The following PTPN2 variants were observed in gnomAD, a reference collection of about 807,000 sequenced individuals.
PTPN2 encodes the protein protein tyrosine phosphatase non-receptor type 2.
A neutral mutation model predicts 57.3 loss-of-function variants in PTPN2; 19 were observed. The ratio of observed to expected loss-of-function variants is 0.33; its 90% CI spans 0.23 to 0.49. PTPN2 has a LOEUF of 0.49. Among genes scored for constraint, PTPN2 ranks in the 20% least tolerant of loss-of-function variants. The pLI is 0.99. For missense variants in PTPN2, 358 were observed against 501.1 expected, an observed-to-expected ratio of 0.71 and a Z score of 2.73; for synonymous variants, 153 against 164.9, an observed-to-expected ratio of 0.93 and a Z score of 0.55.
chr18:12,793,685 C>A lies in PTPN2; in HGVS notation c.*593G>T, dbSNP rs771512478. ...AATGGAAAATGTATCCAGTACAATT[C>A]AATCGACATACAATTTATTTTTTTA... On this transcript the variant is annotated 3_prime_UTR_variant, in exon 9 of 9. Transcript: ENST00000309660. 4.5e-4 allele frequency: 445 copies of A among 983,452 alleles called. No individual in the cohort carries two copies. Among genetic ancestry groups the A allele is most frequent in the Non-Finnish European group, 5.1e-4 (425 of 827,706 alleles). The allele number at this position is 983,452 out of a possible 1,614,324, so 60.9% of individuals were successfully genotyped here.
intron 7 of PTPN2, among the ~76,000 whole-genome samples, chr18:12,812,529 G>A (rs1360720562): frequency 6.6e-6 from 1 of 152,066 alleles, no homozygotes; most frequent in Non-Finnish European, 1.5e-5. Context: ...AACCTGGGAG[G>A]CAGAGGCTGC....
intron 2 of PTPN2, among the ~76,000 whole-genome samples, chr18:12,853,497 C>T (rs113660817): frequency 6.6e-6 from 1 of 152,134 alleles, no homozygotes; most frequent in Non-Finnish European, 1.5e-5. Context: ...ACAGCAACAC[C>T]ATCCCAGCTT....
intron 2 of PTPN2, among the ~76,000 whole-genome samples, chr18:12,853,422 TG>T (rs2043463998): frequency 1.3e-5 from 2 of 152,234 alleles, no homozygotes; most frequent in Non-Finnish European, 2.9e-5. Context: ...ATTATAAGCA[TG>T]AGCCACAGCA....
intron 1 of PTPN2, among the ~76,000 whole-genome samples, chr18:12,869,819 A>C (rs778706103): frequency 1.4e-4 from 22 of 152,158 alleles, no homozygotes; most frequent in Non-Finnish European, 2.8e-4. Flanking sequence ...AGTGAATCCT[A>C]AATTATATGA....
chr18:12,835,415 G>A (rs1970653), intron 3 of PTPN2, among the ~76,000 whole-genome samples: 2,242 of 65,806 alleles, frequency 0.034, 80 homozygotes, highest in African/African-American at 0.11. Flanking sequence ...TTGCTCTTTC[G>A]CTCAGGCTGG....
intron 9 of PTPN2, chr18:12,786,989 G>A (rs533939570): frequency 6.6e-6 from 1 of 152,194 alleles, no homozygotes; most frequent in Non-Finnish European, 1.5e-5. Flanking sequence ...GATTCTGAGT[G>A]CTGCAAAATA....
intron 5 of PTPN2, among the ~76,000 whole-genome samples, chr18:12,817,917 G>T (rs1036309157): frequency 6.6e-6 from 1 of 152,198 alleles, no homozygotes; most frequent in Non-Finnish European, 1.5e-5. Flanking sequence ...GAGGTGGGCA[G>T]ATCACTTGAG....
intron 1 of PTPN2, among the ~76,000 whole-genome samples, chr18:12,876,276 G>A (rs1337488086): frequency 1.3e-5 from 1 of 79,746 alleles, no homozygotes; most frequent in African/African-American, 5.6e-5. Context: ...GACCAGCCTG[G>A]CCAACAAGAA....
chr18:12,862,554 G>A (rs947197982), intron 1 of PTPN2: 1 of 150,520 alleles, frequency 6.6e-6, no homozygotes, highest in Non-Finnish European at 1.5e-5. Context: ...CTAAGGTCCT[G>A]TGACAGTCTG....
chr18:12,821,073 A>C (rs1020533684), intron 5 of PTPN2, among the ~76,000 whole-genome samples: 1 of 152,224 alleles, frequency 6.6e-6, no homozygotes, highest in African/African-American at 2.4e-5. Context: ...TCCAATTATC[A>C]TAAAAAATCT....
At chr18:12,858,306 G>A (rs1037691357) in intron 2 of PTPN2, among the ~76,000 whole-genome samples, 5 of 152,168 alleles carry the variant, frequency 3.3e-5, no homozygotes, top group African/African-American at 1.2e-4. Context: ...GCCCACTAAA[G>A]TCAAACATAG....
chr18:12,837,870 G>C (rs1455155732), intron 2 of PTPN2, among the ~76,000 whole-genome samples: 1 of 152,104 alleles, frequency 6.6e-6, no homozygotes, highest in Non-Finnish European at 1.5e-5. Context: ...GTTTCTGCTG[G>C]ACTGAACCCA....
At chr18:12,871,926 T>C (rs2044279461) in intron 1 of PTPN2, among the ~76,000 whole-genome samples, 2 of 151,876 alleles carry the variant, frequency 1.3e-5, no homozygotes, top group African/African-American at 4.8e-5. Context: ...TGCACGCCTG[T>C]AATCCCAGCT....
intron 4 of PTPN2, 95 bp from the exon 5 acceptor site, chr18:12,826,039 C>A: frequency 1.0e-6 from 1 of 992,054 alleles, no homozygotes. Flanking sequence ...TATATACATG[C>A]TATATTTTTT....
chr18:12,820,485 G>A (rs1035980119), intron 5 of PTPN2, among the ~76,000 whole-genome samples: 1 of 152,048 alleles, frequency 6.6e-6, no homozygotes, highest in Non-Finnish European at 1.5e-5. Flanking sequence ...AAAAAAATGA[G>A]AGGGGAAAAA....
At chr18:12,846,093 T>C (rs996438947) in intron 2 of PTPN2, among the ~76,000 whole-genome samples, 1 of 152,198 alleles carries the variant, frequency 6.6e-6, no homozygotes, top group African/African-American at 2.4e-5. Flanking sequence ...GTTCAGTTTG[T>C]ATATTTTTGG....
chr18:12,858,184 C>T (rs914018700), intron 2 of PTPN2, among the ~76,000 whole-genome samples: 2 of 152,000 alleles, frequency 1.3e-5, no homozygotes, highest in African/African-American at 2.4e-5. Context: ...AGCACCATAC[C>T]CTAGTCAACA....
intron 4 of PTPN2, among the ~76,000 whole-genome samples, chr18:12,828,710 C>T (rs1257621081): frequency 6.6e-6 from 1 of 152,088 alleles, no homozygotes; most frequent in East Asian, 1.9e-4. Context: ...TGTTCCTTAG[C>T]TTTTGTCCAC....
intron 7 of PTPN2, among the ~76,000 whole-genome samples, chr18:12,802,778 A>G (rs1440344831): frequency 6.6e-6 from 1 of 152,228 alleles, no homozygotes; most frequent in Non-Finnish European, 1.5e-5. Flanking sequence ...TTCAGAAATG[A>G]AAGAAAAATG....
Sources: allele counts gnomAD v4.1 joint callset (sites outside exome capture counted in the v4.1 genomes callset), GRCh38; gene constraint gnomAD v4.1.1; transcripts MANE v1.5; gene names NCBI Gene and HGNC (gene_info 2026-07-23, HGNC 2026-07-21).